Variants in LINGO2 observed in about 807,000 individuals in gnomAD.
LINGO2 encodes leucine-rich repeat and immunoglobulin-like domain-containing nogo receptor-interacting protein 2.
LINGO2 carries 14 observed loss-of-function variants against 30.6 expected under a neutral mutation model. The ratio of observed to expected loss-of-function variants is 0.46; its 90% CI spans 0.30 to 0.72. The LOEUF is 0.72. Among genes scored for constraint, LINGO2 ranks in the 30% least tolerant of loss-of-function variants. The pLI, the probability that LINGO2 is intolerant of heterozygous loss-of-function variation, is 0.07. For missense variants in LINGO2, 729 were observed against 751.7 expected (o/e 0.97, Z 0.35); for synonymous variants, 317 against 288.5 (o/e 1.10, Z -1.00).
At chr9:29,019,209 G>A in the LINGO2 span, among the ~76,000 whole-genome samples, 1 of 152,140 alleles carries the variant, frequency 6.6e-6, no homozygotes. Flanking sequence ...CAAGGCATGT[G>A]TTTTACTAAC....
chr9:28,335,666 C>A (rs1262152514), intron 3 of LINGO2, among the ~76,000 whole-genome samples: 1 of 152,052 alleles, frequency 6.6e-6, no homozygotes, highest in Non-Finnish European at 1.5e-5. Context: ...TGCCAACAGT[C>A]AGTAAGCTGA....
intron 1 of LINGO2, among the ~76,000 whole-genome samples, chr9:28,529,517 T>A (rs573929275): frequency 1.7e-4 from 26 of 152,130 alleles, no homozygotes; most frequent in African/African-American, 6.0e-4. Context: ...ATAGACCTAA[T>A]TGGAAATGGC....
chr9:29,058,946 T>G, the LINGO2 span, among the ~76,000 whole-genome samples: 1 of 152,006 alleles, frequency 6.6e-6, no homozygotes, highest in Non-Finnish European at 1.5e-5. Context: ...TAATAGAATA[T>G]TTAGTATTTT....
intron 3 of LINGO2, among the ~76,000 whole-genome samples, chr9:28,303,899 CA>C (rs921973033): frequency 6.6e-6 from 1 of 151,956 alleles, no homozygotes; most frequent in Non-Finnish European, 1.5e-5. Flanking sequence ...CTTTTACTGA[CA>C]AAAATCCACA....
the LINGO2 span, among the ~76,000 whole-genome samples, chr9:29,072,330 C>T: frequency 0.2 from 29,829 of 151,310 alleles, 3,083 homozygotes; most frequent in African/African-American, 0.24. Flanking sequence ...ATAAATAGAA[C>T]GACAGCGAAT....
At chr9:27,991,202 A>C (rs376359191) in intron 5 of LINGO2, among the ~76,000 whole-genome samples, 168 of 152,116 alleles carry the variant, frequency 1.1e-3, no homozygotes, top group African/African-American at 3.8e-3. Context: ...CTACTACATA[A>C]GGACTCTGGT....
At chr9:28,698,330 G>A in the LINGO2 span, among the ~76,000 whole-genome samples, 18 of 151,934 alleles carry the variant, frequency 1.2e-4, 1 homozygote, top group African/African-American at 4.3e-4. Flanking sequence ...ATCCTTCTAA[G>A]TTAGAATCCT....
At chr9:28,875,539 T>C in the LINGO2 span, among the ~76,000 whole-genome samples, 2 of 152,096 alleles carry the variant, frequency 1.3e-5, no homozygotes, top group African/African-American at 2.4e-5. Flanking sequence ...TCCTGGATTT[T>C]TTAAATCCAG....
At chr9:28,850,046 A>T in the LINGO2 span, among the ~76,000 whole-genome samples, 1 of 151,894 alleles carries the variant, frequency 6.6e-6, no homozygotes, top group Non-Finnish European at 1.5e-5. Context: ...TATAATACCC[A>T]CTTTAGTTCT....
chr9:28,019,294 A>G (rs1038038450), intron 4 of LINGO2, among the ~76,000 whole-genome samples: 5 of 143,404 alleles, frequency 3.5e-5, no homozygotes, highest in African/African-American at 1.3e-4. Context: ...ATCAGTTTCC[A>G]ACTATGGCAC....
At chr9:29,158,772 A>G in the LINGO2 span, among the ~76,000 whole-genome samples, 2 of 151,908 alleles carry the variant, frequency 1.3e-5, no homozygotes, top group Non-Finnish European at 2.9e-5. Context: ...ATGTGTGTGT[A>G]TGAGAGAGAG....
At chr9:29,014,659 T>C in the LINGO2 span, among the ~76,000 whole-genome samples, 2 of 152,290 alleles carry the variant, frequency 1.3e-5, no homozygotes, top group East Asian at 3.9e-4. Flanking sequence ...AATGCTATTA[T>C]TTGTGTGATT....
chr9:28,324,465 T>C (rs1355039049), intron 3 of LINGO2, among the ~76,000 whole-genome samples: 1 of 152,088 alleles, frequency 6.6e-6, no homozygotes, highest in Admixed American at 6.6e-5. Context: ...AATCATAGGA[T>C]GAATAGGAAG....
the LINGO2 span, among the ~76,000 whole-genome samples, chr9:28,933,379 C>T: frequency 6.6e-6 from 1 of 152,224 alleles, no homozygotes; most frequent in Non-Finnish European, 1.5e-5. Flanking sequence ...AGTTTCTAGC[C>T]TCCTTGTCCG....
intron 4 of LINGO2, among the ~76,000 whole-genome samples, chr9:28,091,554 G>C (rs1163057731): frequency 6.6e-6 from 1 of 152,134 alleles, no homozygotes; most frequent in Non-Finnish European, 1.5e-5. Flanking sequence ...ATTAATTCAA[G>C]ATGGATTAAA....
At chr9:28,521,368 TGTATGTAGACAGG>T (rs1820822585) in intron 1 of LINGO2, among the ~76,000 whole-genome samples, 1 of 152,162 alleles carries the variant, frequency 6.6e-6, no homozygotes, top group South Asian at 2.1e-4. Flanking sequence ...GCGACACCAC[TGTATGTAGACAGG>T]GTTCCTACTT....
chr9:28,669,381 A>G (rs527754154), intron 1 of LINGO2, among the ~76,000 whole-genome samples: 3 of 152,232 alleles, frequency 2.0e-5, no homozygotes, highest in South Asian at 2.1e-4. Flanking sequence ...ATGCAGTTCC[A>G]TATACCTTTC....
chr9:28,758,578 T>G, the LINGO2 span, among the ~76,000 whole-genome samples: 1 of 152,166 alleles, frequency 6.6e-6, no homozygotes, highest in Non-Finnish European at 1.5e-5. Flanking sequence ...TGAGCAATAT[T>G]ATGGGAAAAG....
the LINGO2 span, among the ~76,000 whole-genome samples, chr9:29,180,581 T>C: frequency 1.3e-5 from 2 of 152,178 alleles, no homozygotes; most frequent in Admixed American, 1.3e-4. Context: ...ATAAAAAAGA[T>C]GTCCTGTGTC....
Sources: allele counts gnomAD v4.1 joint callset (sites outside exome capture counted in the v4.1 genomes callset), GRCh38; gene constraint gnomAD v4.1.1; transcripts MANE v1.5; gene names NCBI Gene and HGNC (gene_info 2026-07-23, HGNC 2026-07-21).